The following BTBD16 variants were observed in gnomAD, a reference collection of about 807,000 sequenced individuals.
BTBD16 encodes the protein BTB domain containing 16, also known as BTB/POZ domain-containing protein 16.
BTBD16 carries 66 observed loss-of-function variants against 67.4 expected under a neutral mutation model. That is an observed-to-expected ratio of 0.98 (90% CI 0.80 to 1.20). BTBD16 has a LOEUF of 1.20. BTBD16 is among the 50% of genes most tolerant of loss of function. The pLI is 0.00. For missense variants in BTBD16, 634 were observed against 616.0 expected (o/e 1.03, Z -0.31); for synonymous variants, 242 against 236.4 (o/e 1.02, Z -0.22).
chr10:122,317,515 C>T (rs977877378), intron 10 of BTBD16, among the ~76,000 whole-genome samples: 2 of 151,890 alleles, frequency 1.3e-5, no homozygotes, highest in East Asian at 1.9e-4. Flanking sequence ...GGCATGGTGG[C>T]GGGCAGCTGT....
chr10:122,292,195 G>A (rs2096375396), intron 7 of BTBD16, among the ~76,000 whole-genome samples: 1 of 152,228 alleles, frequency 6.6e-6, no homozygotes, highest in Non-Finnish European at 1.5e-5. Flanking sequence ...TACACTGGCA[G>A]TCTCTGACAT....
At chr10:122,284,004 A>G (rs2096358387) in intron 4 of BTBD16, 80 bp downstream of exon 4, 1 of 1,068,246 alleles carries the variant, frequency 9.4e-7, no homozygotes. Flanking sequence ...GAAGGAGACC[A>G]GTCCATAAAC....
chr10:122,299,621 C>A lies in BTBD16; in HGVS notation c.791+487C>A, dbSNP rs945958037. On this transcript the variant is annotated intron_variant, in intron 9 of 15. Coordinates refer to ENST00000260723, the MANE Select transcript of BTBD16 (RefSeq NM_144587.5). ...CCCCTGCCCTGTCCTGCACCCCAAC[C>A]CTGCCCCCAGTGTTCCTCCACCATC... Among the ~76,000 whole-genome samples, 33 of 152,064 alleles carry A rather than the reference C, an allele frequency of 2.2e-4. 1 individual carries two copies. Among genetic ancestry groups the A allele is most frequent in the East Asian group, 1.9e-4 (1 of 5,144 alleles).
At chr10:122,304,617 T>G (rs1014022488) in intron 9 of BTBD16, among the ~76,000 whole-genome samples, 10 of 145,910 alleles carry the variant, frequency 6.9e-5, no homozygotes, top group African/African-American at 2.6e-4. Flanking sequence ...TGCAGTGGCG[T>G]GATCTCTGCT....
At chr10:122,327,938 C>G (rs2096448110) in intron 10 of BTBD16, among the ~76,000 whole-genome samples, 1 of 152,218 alleles carries the variant, frequency 6.6e-6, no homozygotes, top group Non-Finnish European at 1.5e-5. Flanking sequence ...ATTTCAGCCA[C>G]AGCTCCAGCC....
intron 1 of BTBD16, 126 bp from the exon 2 acceptor site, chr10:122,274,914 A>G: frequency 3.1e-6 from 2 of 635,308 alleles, no homozygotes; most frequent in South Asian, 4.2e-5. Flanking sequence ...TTGATTGATA[A>G]ATAACCCACA....
intron 13 of BTBD16, among the ~76,000 whole-genome samples, chr10:122,334,416 T>C (rs188251673): frequency 1.3e-4 from 20 of 150,470 alleles, no homozygotes; most frequent in East Asian, 7.8e-4. Context: ...AGGATGGTCT[T>C]GATCTTCTGA....
chr10:122,305,191 G>A lies in BTBD16; in HGVS notation c.792-1998G>A, dbSNP rs190466358. ...TTTCATTTTAGGTTCAGGGGTACAT[G>A]TGCAGGTTGTACATGAGTAAATTGC... On this transcript the variant is annotated intron_variant, in intron 9 of 15. Transcript: ENST00000260723. Among the ~76,000 whole-genome samples the A allele has an allele frequency of 4.1e-3, 625 of 152,352 alleles. 2 individuals are homozygous for A. Among genetic ancestry groups the A allele is most frequent in the African/African-American group, 0.014 (589 of 41,576 alleles).
chr10:122,337,223 TG>T (rs2096464677), intron 15 of BTBD16, among the ~76,000 whole-genome samples: 1 of 152,188 alleles, frequency 6.6e-6, no homozygotes, highest in Non-Finnish European at 1.5e-5. Context: ...CAGAATCACC[TG>T]GGGGCCTTAT....
intron 10 of BTBD16, among the ~76,000 whole-genome samples, chr10:122,318,363 C>G (rs2096429854): frequency 6.6e-6 from 1 of 152,044 alleles, no homozygotes; most frequent in Non-Finnish European, 1.5e-5. Context: ...TCATGGATTA[C>G]CAAAATTTGT....
Position 122,336,634 on chromosome 10 carries a change from C to T in BTBD16, c.1404C>T (p.Asn468=). 1 of 1,607,530 alleles carries T rather than the reference C, an allele frequency of 6.2e-7. No homozygotes were observed. Among genetic ancestry groups the T allele is most frequent in the Non-Finnish European group, 8.5e-7 (1 of 1,178,452 alleles). The change falls in exon 15 of 16, where the codon AAC becomes AAT. Residue 468 remains asparagine (N), a synonymous_variant. Transcript: ENST00000260723. The stretch of plus-strand genomic sequence containing the variant: ...GCAAGTGGCAGGAGTTCAGGACAAA[C>T]CAGATCAAGCAGAAGTTTGGGTTGA... ...VDGKWQEFRT[N]QIKQKFGLTT... is the part of the protein sequence containing the mutation.
At chr10:122,273,796 T>C (rs1227594897) in intron 1 of BTBD16, among the ~76,000 whole-genome samples, 7 of 152,358 alleles carry the variant, frequency 4.6e-5, no homozygotes, top group Admixed American at 1.3e-4. Flanking sequence ...TTTTCTTTCC[T>C]GTCATTGTAT....
At chr10:122,328,935 C>A (rs1012626206) in intron 10 of BTBD16, 2 of 598,360 alleles carry the variant, frequency 3.3e-6, no homozygotes, top group Non-Finnish European at 4.2e-6. Flanking sequence ...TAGTTCCCCA[C>A]ACAGCCGTTC....
intron 10 of BTBD16, among the ~76,000 whole-genome samples, chr10:122,320,440 T>G (rs2096433515): frequency 1.3e-5 from 2 of 152,280 alleles, no homozygotes; most frequent in South Asian, 2.1e-4. Context: ...TAGTTTGCCC[T>G]TCTTTTCCTA....
chr10:122,284,159 G>A (rs1048050266), intron 4 of BTBD16, among the ~76,000 whole-genome samples: 8 of 152,168 alleles, frequency 5.3e-5, no homozygotes, highest in Admixed American at 6.5e-5. Flanking sequence ...CCATGATAAA[G>A]ACAAATGTGT....
At chr10:122,309,801 C>T (rs1375754394) in intron 10 of BTBD16, among the ~76,000 whole-genome samples, 1 of 137,690 alleles carries the variant, frequency 7.3e-6, no homozygotes, top group Non-Finnish European at 1.5e-5. Flanking sequence ...GAGGCAGTGT[C>T]TCACTTGTTG....
chr10:122,313,692 G>A (rs888967625), intron 10 of BTBD16, among the ~76,000 whole-genome samples: 3 of 152,060 alleles, frequency 2.0e-5, no homozygotes, highest in Admixed American at 6.5e-5. Context: ...ATTTTTTTAA[G>A]TATGGTGTGA....
chr10:122,281,708 C>G (rs1296880569), intron 3 of BTBD16, among the ~76,000 whole-genome samples: 2 of 152,248 alleles, frequency 1.3e-5, no homozygotes, highest in East Asian at 1.9e-4. Context: ...TCCTCTGGGA[C>G]CAAGAAGCAG....
At chr10:122,294,939 G>A (rs1375861024) in intron 7 of BTBD16, among the ~76,000 whole-genome samples, 1 of 152,250 alleles carries the variant, frequency 6.6e-6, no homozygotes, top group African/African-American at 2.4e-5. Context: ...GCACCTAAAG[G>A]CTCCTGGACC....
Sources: allele counts gnomAD v4.1 joint callset (sites outside exome capture counted in the v4.1 genomes callset), GRCh38; gene constraint gnomAD v4.1.1; transcripts MANE v1.5; gene names NCBI Gene and HGNC (gene_info 2026-07-23, HGNC 2026-07-21).